The following CREB3L2 variants were observed in gnomAD, a reference collection of about 807,000 sequenced individuals.
CREB3L2 encodes cAMP responsive element binding protein 3 like 2, also known as cyclic AMP-responsive element-binding protein 3-like protein 2.
In CREB3L2, 23 loss-of-function variants were observed where a neutral mutation model predicts 57.2. That is an observed-to-expected ratio of 0.40 (90% CI 0.29 to 0.57). CREB3L2 has a LOEUF of 0.57. Among genes scored for constraint, CREB3L2 ranks in the 20% least tolerant of loss-of-function variants. The pLI is 0.42. For missense variants in CREB3L2, 628 were observed against 634.7 expected (o/e 0.99, Z 0.11); for synonymous variants, 268 against 265.1 (o/e 1.01, Z -0.11).
At chr7:137,947,566 C>T (rs541948813) in intron 1 of CREB3L2, among the ~76,000 whole-genome samples, 76 of 152,242 alleles carry the variant, frequency 5.0e-4, no homozygotes, top group South Asian at 3.1e-3. Context: ...CCCCTTGGCT[C>T]ACTCCTTTAG....
At chr7:137,990,147 T>A (rs1297098771) in intron 1 of CREB3L2, among the ~76,000 whole-genome samples, 2 of 152,208 alleles carry the variant, frequency 1.3e-5, no homozygotes, top group Non-Finnish European at 2.9e-5. Flanking sequence ...CATGATCTTG[T>A]GGTATCTCCC....
chr7:137,986,740 C>T (rs931598732), intron 1 of CREB3L2, among the ~76,000 whole-genome samples: 1 of 152,174 alleles, frequency 6.6e-6, no homozygotes, highest in African/African-American at 2.4e-5. Flanking sequence ...GCCATCCCAC[C>T]CTCATTTCAG....
At chr7:137,978,535 T>C (rs916318206) in intron 1 of CREB3L2, among the ~76,000 whole-genome samples, 1 of 152,204 alleles carries the variant, frequency 6.6e-6, no homozygotes, top group Non-Finnish European at 1.5e-5. Context: ...CAGGTGGTTC[T>C]GGAAGTTGGC....
chr7:137,913,581 G>T (rs1405047282), intron 3 of CREB3L2, among the ~76,000 whole-genome samples: 1 of 149,572 alleles, frequency 6.7e-6, no homozygotes, highest in African/African-American at 2.4e-5. Flanking sequence ...AAAGCCAAAT[G>T]CTCAAGCCCA....
At chr7:137,953,548 G>A in intron 1 of CREB3L2, 3 of 1,285,788 alleles carry the variant, frequency 2.3e-6, no homozygotes, top group Non-Finnish European at 3.0e-6. Flanking sequence ...CAGAGGAGGG[G>A]AGAGTTGGGT....
chr7:137,895,358 G>A (rs778161402), intron 8 of CREB3L2, among the ~76,000 whole-genome samples: 2 of 152,350 alleles, frequency 1.3e-5, no homozygotes, highest in East Asian at 3.9e-4. Context: ...TTTCTTGATG[G>A]AGCACAGGAA....
intron 1 of CREB3L2, among the ~76,000 whole-genome samples, chr7:137,983,004 TC>T (rs1383551725): frequency 6.6e-6 from 1 of 152,220 alleles, no homozygotes; most frequent in African/African-American, 2.4e-5. Flanking sequence ...AGCACCTTGA[TC>T]CTGGACTTCC....
At chr7:137,910,656 G>A (rs768307288) in intron 4 of CREB3L2, among the ~76,000 whole-genome samples, 2 of 152,122 alleles carry the variant, frequency 1.3e-5, no homozygotes, top group East Asian at 1.9e-4. Flanking sequence ...GGAGTACCTA[G>A]AGCCACCCTG....
In CREB3L2 at chr7:137,876,372, G is replaced by A. The variant is rs1799155202; in HGVS notation, c.*4104C>T. On this transcript the variant is annotated 3_prime_UTR_variant, in exon 12 of 12. Coordinates refer to ENST00000330387, the MANE Select transcript of CREB3L2 (RefSeq NM_194071.4). ...TGTGTGTGTGTGTGTGTGTGTGTCAGAGAGAGAAGAAGGGAGAGAGAAGTA... is the reference window on the plus strand; with the variant it reads ...TGTGTGTGTGTGTGTGTGTGTGTCAAAGAGAGAAGAAGGGAGAGAGAAGTA... The A allele has an allele frequency of 4.3e-6, 1 of 232,328 alleles. No individual in the cohort carries two copies. The highest frequency in any genetic ancestry group is 8.5e-6 in the Non-Finnish European group (1 of 117,854). 14.4% of individuals were successfully genotyped at this position (232,328 alleles called of 1,614,324 possible). A position where few individuals can be genotyped will look rare whatever the true frequency, so the allele number is the denominator to read the frequency against.
chr7:137,899,439 G>A (rs1799707522), intron 8 of CREB3L2, among the ~76,000 whole-genome samples: 2 of 152,266 alleles, frequency 1.3e-5, no homozygotes, highest in Non-Finnish European at 2.9e-5. Context: ...GGCTGCTGCG[G>A]AAGCAAGTGC....
rs1219262134 is a variant in CREB3L2, at chr7:137,905,790, G to C, written c.827C>G (p.Ala276Gly). 1 of 1,614,136 alleles carries C rather than the reference G, an allele frequency of 6.2e-7. No individual in the cohort carries two copies. Among genetic ancestry groups the C allele is most frequent in the East Asian group, 2.2e-5 (1 of 44,886 alleles). ...LTEEEKRTLI[A>G]EGYPIPTKLP... Reference sequence around the variant, plus strand: ...TTTGGTGGGGATGGGATAGCCCTCAGCGATCAGGGTCCTCTTCTCCTCCTC... The same window carrying C: ...TTTGGTGGGGATGGGATAGCCCTCACCGATCAGGGTCCTCTTCTCCTCCTC... The change falls in exon 6 of 12, where the codon GCT becomes GGT. Residue 276 changes from alanine to glycine, a missense_variant. By Grantham distance (60) the Ala-to-Gly change is moderately conservative. This residue lies in a region of CREB3L2 where 339 missense variants were observed against 355.4 expected (regional missense o/e 0.95). Transcript: ENST00000330387.
chr7:137,966,160 C>A (rs1332776214), intron 1 of CREB3L2, among the ~76,000 whole-genome samples: 1 of 152,156 alleles, frequency 6.6e-6, no homozygotes, highest in Admixed American at 6.5e-5. Flanking sequence ...AGATCAGAGA[C>A]AGGAAGTGCA....
intron 1 of CREB3L2, among the ~76,000 whole-genome samples, chr7:137,960,547 A>G (rs1304899858): frequency 6.6e-6 from 1 of 152,188 alleles, no homozygotes; most frequent in Non-Finnish European, 1.5e-5. Flanking sequence ...TCAGGAATAT[A>G]TAACAGTTAG....
intron 2 of CREB3L2, among the ~76,000 whole-genome samples, chr7:137,921,197 A>G (rs751599840): frequency 3.9e-5 from 6 of 152,264 alleles, no homozygotes; most frequent in Non-Finnish European, 8.8e-5. Flanking sequence ...CATTGTGTTT[A>G]TAAGTCTTTT....
At chr7:137,885,354 A>C in intron 9 of CREB3L2, 49 bp downstream of exon 9, 2 of 1,487,232 alleles carry the variant, frequency 1.3e-6, no homozygotes, top group Non-Finnish European at 1.9e-6. Flanking sequence ...GAGGGGAGAC[A>C]GGGGCCAGGC....
intron 5 of CREB3L2, among the ~76,000 whole-genome samples, chr7:137,906,171 G>A (rs1168996820): frequency 6.6e-6 from 1 of 152,228 alleles, no homozygotes; most frequent in Non-Finnish European, 1.5e-5. Flanking sequence ...CACATCCCTA[G>A]AGATTTCCTG....
At chr7:137,940,135 A>C (rs150645654) in intron 1 of CREB3L2, among the ~76,000 whole-genome samples, 2 of 152,264 alleles carry the variant, frequency 1.3e-5, no homozygotes, top group East Asian at 3.9e-4. Flanking sequence ...AGACTGCTGT[A>C]ATGAGGTCTC....
At chr7:137,883,214 G>A (rs1799336020) in intron 10 of CREB3L2, among the ~76,000 whole-genome samples, 1 of 152,216 alleles carries the variant, frequency 6.6e-6, no homozygotes, top group Non-Finnish European at 1.5e-5. Flanking sequence ...AGTTCCTTGG[G>A]GGGAAAAATT....
chr7:137,952,503 C>T (rs1801121609), intron 1 of CREB3L2, among the ~76,000 whole-genome samples: 1 of 152,214 alleles, frequency 6.6e-6, no homozygotes, highest in South Asian at 2.1e-4. Flanking sequence ...GTCATCTTCA[C>T]TGCATTTGCC....
Sources: allele counts gnomAD v4.1 joint callset (sites outside exome capture counted in the v4.1 genomes callset), GRCh38; gene constraint gnomAD v4.1.1; regional missense constraint gnomAD v4.1.1; transcripts MANE v1.5; gene names NCBI Gene and HGNC (gene_info 2026-07-23, HGNC 2026-07-21).